The following PTPRF variants were observed in gnomAD, a reference collection of about 807,000 sequenced individuals.
The protein encoded by PTPRF is receptor-type tyrosine-protein phosphatase F.
Under a neutral mutation model 201.8 loss-of-function variants are expected in PTPRF, and 59 were observed. That is an observed-to-expected ratio of 0.29 (90% CI 0.24 to 0.36). PTPRF has a LOEUF of 0.36. Among genes scored for constraint, PTPRF ranks in the 10% least tolerant of loss-of-function variants. The pLI, the probability that PTPRF is intolerant of heterozygous loss-of-function variation, is 1.00. For synonymous variants in PTPRF, 1,088 were observed against 1,089.7 expected (o/e 1.00, Z 0.03); for missense variants, 2,132 against 2,690.5 (o/e 0.79, Z 4.59).
At chr1:43,568,806 AC>A (rs1646365549) in intron 5 of PTPRF, among the ~76,000 whole-genome samples, 5 of 152,056 alleles carry the variant, frequency 3.3e-5, no homozygotes, top group African/African-American at 2.4e-5. Flanking sequence ...TGTGCCGCCA[AC>A]CCCTAGCAAG....
intron 1 of PTPRF, among the ~76,000 whole-genome samples, chr1:43,534,409 G>T (rs1279605297): frequency 1.3e-5 from 2 of 152,194 alleles, no homozygotes; most frequent in Non-Finnish European, 2.9e-5. Flanking sequence ...AGGTAAGTAA[G>T]GTGAGAGAAG....
intron 5 of PTPRF, among the ~76,000 whole-genome samples, chr1:43,561,810 C>T (rs1022089433): frequency 2.1e-4 from 32 of 152,168 alleles, no homozygotes; most frequent in Non-Finnish European, 1.8e-4. Context: ...CCTTGAGGCG[C>T]CCAAGTGGAT....
intron 11 of PTPRF, among the ~76,000 whole-genome samples, chr1:43,597,462 T>C (rs916489032): frequency 1.3e-5 from 2 of 151,984 alleles, no homozygotes; most frequent in Non-Finnish European, 2.9e-5. Context: ...GCACTGAGAC[T>C]GACACTGTGT....
chr1:43,557,077 A>G (rs1470122384), intron 5 of PTPRF, among the ~76,000 whole-genome samples: 3 of 152,234 alleles, frequency 2.0e-5, no homozygotes, highest in East Asian at 3.9e-4. Context: ...CTGTCCTAGC[A>G]GGGAGCCATC....
At chr1:43,532,344 G>A (rs754480099) in intron 1 of PTPRF, among the ~76,000 whole-genome samples, 4 of 152,232 alleles carry the variant, frequency 2.6e-5, no homozygotes, top group Non-Finnish European at 5.9e-5. Context: ...GCTGTGAAAT[G>A]GGAGAGGGAG....
Position 43,553,662 on chromosome 1 carries a change from G to A in PTPRF, c.237+25G>A, listed in dbSNP as rs777813562. 72 of 1,613,428 alleles carry A rather than the reference G, an allele frequency of 4.5e-5. 1 individual carries two copies. The East Asian group carries it at 8.0e-4, about 18-fold the overall frequency. ...GGTGCGTCTGTGGTGGGAAGGGGTC[G>A]GCAGGGCTCAGGGTCTGCCCACACT... is the stretch of plus-strand genomic sequence containing the variant. On this transcript the variant is annotated intron_variant, in intron 4 of 33. Coordinates refer to ENST00000359947, the MANE Select transcript of PTPRF (RefSeq NM_002840.5). The surrounding 1 kb of genome is among the most constrained non-coding windows in gnomAD (Gnocchi z 4.1).
chr1:43,620,960 T>G lies in PTPRF; in HGVS notation c.5487T>G (p.Phe1829Leu). Residue 1829 changes from phenylalanine to leucine, a missense_variant, in exon 32 of 34, where the codon TTT (phenylalanine) becomes TTG (leucine). Phe to Leu is a conservative substitution (Grantham distance 22, BLOSUM62 0). Coordinates refer to ENST00000359947, the MANE Select transcript of PTPRF (RefSeq NM_002840.5). Reference sequence around the variant, plus strand: ...AGGTGCATAAGACCAAGGAGCAGTTTGGACAGGATGGGCCTATCACGGTGC... The same window carrying G: ...AGGTGCATAAGACCAAGGAGCAGTTGGGACAGGATGGGCCTATCACGGTGC... ...IGQVHKTKEQ[F>L]GQDGPITVHC... 1.2e-6 allele frequency: 2 copies of G among 1,614,102 alleles called. No homozygotes were observed. Among genetic ancestry groups the G allele is most frequent in the Non-Finnish European group, 1.7e-6 (2 of 1,179,966 alleles).
At chr1:43,586,561 G>A (rs1649202092) in intron 7 of PTPRF, among the ~76,000 whole-genome samples, 2 of 152,242 alleles carry the variant, frequency 1.3e-5, no homozygotes, top group African/African-American at 2.4e-5. Context: ...ATCATTGGTA[G>A]AGACTCCTGG....
At chr1:43,526,131 G>T (rs1643098720), upstream of PTPRF, among the ~76,000 whole-genome samples, 1 of 152,212 alleles carries the variant, frequency 6.6e-6, no homozygotes, top group Admixed American at 6.5e-5. Flanking sequence ...GGGAGACAGA[G>T]CGGAAGGAGG....
At chr1:43,578,965 G>A in intron 7 of PTPRF, 45 bp downstream of exon 7, 1 of 1,577,022 alleles carries the variant, frequency 6.3e-7, no homozygotes, top group Non-Finnish European at 8.7e-7. Flanking sequence ...ACAGAGCTGT[G>A]CTGCACCTGC....
rs1157318320 is a variant in PTPRF, at chr1:43,530,930, CGGCTCGGGCTCG to C, written c.-280_-269del. On this transcript the variant is annotated 5_prime_UTR_variant, in exon 1 of 34. Coordinates refer to ENST00000359947, the MANE Select transcript of PTPRF (RefSeq NM_002840.5). The surrounding 1 kb of genome is among the most constrained non-coding windows in gnomAD (Gnocchi z 4.1). ...GAGGCGGCGGCTCCAGCTTCGGCTC[CGGCTCGGGCTCG>C]GGCTCCGGCTCCGGCTCCGGCTCCG... 1 of 151,200 alleles carries C rather than the reference CGGCTCGGGCTCG, an allele frequency of 6.6e-6. No individual in the cohort carries two copies. Among genetic ancestry groups the C allele is most frequent in the African/African-American group, 2.6e-5 (1 of 38,420 alleles). 9.4% of individuals were successfully genotyped at this position (151,200 alleles called of 1,614,324 possible).
intron 5 of PTPRF, among the ~76,000 whole-genome samples, chr1:43,566,959 G>T (rs1298702696): frequency 6.6e-6 from 1 of 152,184 alleles, no homozygotes; most frequent in Non-Finnish European, 1.5e-5. Flanking sequence ...CCTTAATTTG[G>T]CGTAAATCCC....
chr1:43,593,066 C>T (rs566868231), intron 11 of PTPRF, among the ~76,000 whole-genome samples: 21 of 152,236 alleles, frequency 1.4e-4, no homozygotes, highest in Middle Eastern at 3.2e-3. Context: ...ACCTGAGAGC[C>T]ATGTGATCAC....
At position 43,590,326 on chromosome 1, in the gene PTPRF, C is replaced by G. The variant is rs751194957; in HGVS notation, c.950-646C>G. On this transcript the variant is annotated intron_variant, in intron 8 of 33. Transcript: ENST00000359947. ...TACGATCGACTTGTTTATTGATTCTCTCTTGTACTGAGGTGTAAACTCCAT... is the reference window on the plus strand; with the variant it reads ...TACGATCGACTTGTTTATTGATTCTGTCTTGTACTGAGGTGTAAACTCCAT... 1.4e-4 allele frequency among the ~76,000 whole-genome samples: 22 copies of G among 152,072 alleles called. No individual in the cohort carries two copies. In the Middle Eastern group the frequency reaches 0.014, roughly 94 times the overall value.
intron 6 of PTPRF, among the ~76,000 whole-genome samples, chr1:43,578,237 G>T (rs974081130): frequency 1.3e-5 from 2 of 152,222 alleles, no homozygotes; most frequent in East Asian, 3.9e-4. Flanking sequence ...GGAATGGGTG[G>T]GGCTGGCGGG....
chr1:43,593,230 A>T (rs1651329364), intron 11 of PTPRF, among the ~76,000 whole-genome samples: 1 of 152,164 alleles, frequency 6.6e-6, no homozygotes, highest in African/African-American at 2.4e-5. Flanking sequence ...AGAGACTCCG[A>T]TGCTGCAGCT....
At chr1:43,599,199 C>T (rs1183410894) in intron 13 of PTPRF, among the ~76,000 whole-genome samples, 1 of 152,130 alleles carries the variant, frequency 6.6e-6, no homozygotes, top group Non-Finnish European at 1.5e-5. Context: ...CCTCAGCCTC[C>T]CGAGTAGCTG....
At chr1:43,618,803 C>T (rs1658485664) in intron 26 of PTPRF, 54 bp downstream of exon 26, 2 of 1,574,750 alleles carry the variant, frequency 1.3e-6, no homozygotes. Context: ...AGGACAGTGG[C>T]CTGGGTGTGG....
In PTPRF at chr1:43,615,551, C is replaced by CTTTTTTTTTT. The variant is rs68193223; in HGVS notation, c.4071+1857_4072-1864dup. Among the ~76,000 whole-genome samples the CTTTTTTTTTT allele has an allele frequency of 2.1e-3, 173 of 84,156 alleles. 6 individuals are homozygous for CTTTTTTTTTT. Among genetic ancestry groups the CTTTTTTTTTT allele is most frequent in the Non-Finnish European group, 2.2e-3 (101 of 45,884 alleles). The allele number at this position is 84,156 out of a possible 152,430, so 55.2% of individuals were successfully genotyped here. A position where few individuals can be genotyped will look rare whatever the true frequency, so the allele number is the denominator to read the frequency against. On this transcript the variant is annotated intron_variant, in intron 23 of 33. Coordinates refer to ENST00000359947, the MANE Select transcript of PTPRF (RefSeq NM_002840.5). Reference sequence around the variant, plus strand: ...AGCCAGGACCCCATAGCTCTGTTGTCTTTTTTTTTTTTTTTTTTTTTTTTT... The same window carrying CTTTTTTTTTT: ...AGCCAGGACCCCATAGCTCTGTTGTCTTTTTTTTTTTTTTTTTTTTTTTTTTTTTTTTTTT...
Sources: allele counts gnomAD v4.1 joint callset (sites outside exome capture counted in the v4.1 genomes callset), GRCh38; gene constraint gnomAD v4.1.1; non-coding constraint Gnocchi (gnomAD v3.1); transcripts MANE v1.5; gene names NCBI Gene and HGNC (gene_info 2026-07-23, HGNC 2026-07-21).